PPP1R9A: variants seen among roughly 807,000 people sequenced by gnomAD.
PPP1R9A encodes the protein protein phosphatase 1 regulatory subunit 9A.
PPP1R9A carries 59 observed loss-of-function variants against 141.9 expected under a neutral mutation model. That is an observed-to-expected ratio of 0.42 (90% CI 0.34 to 0.52). The LOEUF is 0.52. PPP1R9A is among the 20% of genes least tolerant of loss of function. The pLI is 0.10. For missense variants in PPP1R9A, 1,444 were observed against 1,611.9 expected (o/e 0.90, Z 1.78); for synonymous variants, 500 against 569.7 (o/e 0.88, Z 1.74).
chr7:95,063,125 A>T (rs763769759), intron 2 of PPP1R9A, among the ~76,000 whole-genome samples: 2 of 152,242 alleles, frequency 1.3e-5, no homozygotes, highest in African/African-American at 2.4e-5. Context: ...TGTAAGTCTG[A>T]GAGGACTCAA....
At chr7:95,118,820 A>AC (rs1233304711) in intron 3 of PPP1R9A, among the ~76,000 whole-genome samples, 3 of 150,560 alleles carry the variant, frequency 2.0e-5, no homozygotes, top group African/African-American at 4.9e-5. Flanking sequence ...AAAAAAAAAA[A>AC]AAAACACAAA....
chr7:95,133,897 C>T (rs529763330), intron 4 of PPP1R9A, among the ~76,000 whole-genome samples: 1 of 152,098 alleles, frequency 6.6e-6, no homozygotes, highest in Non-Finnish European at 1.5e-5. Flanking sequence ...ACCATGTTTC[C>T]CAGGCTGGTC....
chr7:95,043,554 C>T (rs1809559544), intron 2 of PPP1R9A, among the ~76,000 whole-genome samples: 1 of 152,184 alleles, frequency 6.6e-6, no homozygotes, highest in Non-Finnish European at 1.5e-5. Context: ...CTTCTGCAGG[C>T]ACAGTGACCT....
At chr7:95,133,939 C>T (rs1170565349) in intron 4 of PPP1R9A, among the ~76,000 whole-genome samples, 1 of 152,172 alleles carries the variant, frequency 6.6e-6, no homozygotes, top group Non-Finnish European at 1.5e-5. Context: ...CTGCCTCAGC[C>T]TCCCAAAGTT....
chr7:94,962,454 A>G (rs550189292), intron 2 of PPP1R9A, among the ~76,000 whole-genome samples: 1 of 152,126 alleles, frequency 6.6e-6, no homozygotes, highest in South Asian at 2.1e-4. Context: ...AAAATATTCA[A>G]GGGTTTTCCC....
chr7:95,012,434 A>T (rs1017765814), intron 2 of PPP1R9A, among the ~76,000 whole-genome samples: 10 of 152,122 alleles, frequency 6.6e-5, no homozygotes, highest in African/African-American at 2.2e-4. Flanking sequence ...ATCACCTCCC[A>T]CCAGGCCCCA....
rs551695425 is a variant in PPP1R9A at position 95,066,598 on chromosome 7, G to A, written c.1396-44661G>A. On this transcript the variant is annotated intron_variant, in intron 2 of 19. Transcript: ENST00000433360. ...TTCAGAGGACAAAAGGACATTAAAA[G>A]GAGAGTGGACATTTTAAGATGTCTT... 2.1e-4 allele frequency among the ~76,000 whole-genome samples: 32 copies of A among 152,252 alleles called. No individual in the cohort carries two copies. In the East Asian group the frequency reaches 6.0e-3, roughly 28 times the overall value.
intron 12 of PPP1R9A, among the ~76,000 whole-genome samples, chr7:95,261,665 A>G (rs568028102): frequency 1.7e-4 from 26 of 152,224 alleles, no homozygotes; most frequent in Middle Eastern, 6.8e-3. Context: ...AGGGATTTTT[A>G]TTATTTATTT....
At chr7:95,273,321 A>C (rs946135427) in intron 14 of PPP1R9A, among the ~76,000 whole-genome samples, 3 of 152,312 alleles carry the variant, frequency 2.0e-5, no homozygotes, top group Admixed American at 6.5e-5. Flanking sequence ...CTGTTTAAGG[A>C]GTCTCCCCCA....
chr7:95,099,817 T>TA (rs975329286), intron 2 of PPP1R9A, among the ~76,000 whole-genome samples: 5 of 151,948 alleles, frequency 3.3e-5, no homozygotes. Flanking sequence ...AAAATTAAAA[T>TA]AAAAAAATAC....
At chr7:95,263,418 G>A (rs1585526957) in intron 12 of PPP1R9A, among the ~76,000 whole-genome samples, 1 of 107,518 alleles carries the variant, frequency 9.3e-6, no homozygotes, top group African/African-American at 3.3e-5. Flanking sequence ...CCAGTTTGTT[G>A]TTGTTGTTGC....
intron 5 of PPP1R9A, among the ~76,000 whole-genome samples, chr7:95,196,465 T>C (rs1422976530): frequency 6.6e-6 from 1 of 152,200 alleles, no homozygotes; most frequent in Non-Finnish European, 1.5e-5. Flanking sequence ...ATCAATTCCA[T>C]TATTTGTCTA....
chr7:95,069,062 T>G (rs545095530), intron 2 of PPP1R9A, among the ~76,000 whole-genome samples: 1 of 152,184 alleles, frequency 6.6e-6, no homozygotes, highest in African/African-American at 2.4e-5. Flanking sequence ...CCTAATGTGA[T>G]GTAAATGCTG....
At chr7:94,982,308 A>G (rs1039003349) in intron 2 of PPP1R9A, among the ~76,000 whole-genome samples, 13 of 152,158 alleles carry the variant, frequency 8.5e-5, no homozygotes, top group Non-Finnish European at 1.5e-5. Flanking sequence ...TCTTTATAGT[A>G]GTATGATTTA....
chr7:95,002,758 C>CA (rs1458699396), intron 2 of PPP1R9A, among the ~76,000 whole-genome samples: 1 of 152,146 alleles, frequency 6.6e-6, no homozygotes, highest in Non-Finnish European at 1.5e-5. Flanking sequence ...TTGGATGGCA[C>CA]AGTATAGGTG....
rs141188800 is a variant in PPP1R9A at position 95,274,347 on chromosome 7, A to G, written c.3296+179A>G. On this transcript the variant is annotated intron_variant, in intron 16 of 19. Coordinates refer to ENST00000433360, the MANE Select transcript of PPP1R9A (RefSeq NM_001166160.2). The stretch of plus-strand genomic sequence containing the variant: ...TGGTCTTACTCCAATTATAGCCTCC[A>G]TCTAGCCTTGGGCATATCCATTGGT... Among the ~76,000 whole-genome samples, 1,325 of 152,336 alleles carry G rather than the reference A, an allele frequency of 8.7e-3. 20 individuals are homozygous for G. Among genetic ancestry groups the G allele is most frequent in the African/African-American group, 0.03 (1,259 of 41,580 alleles).
chr7:94,971,721 G>A (rs1253781167), intron 2 of PPP1R9A, among the ~76,000 whole-genome samples: 1 of 152,180 alleles, frequency 6.6e-6, no homozygotes, highest in Non-Finnish European at 1.5e-5. Flanking sequence ...ACCAAAAAAG[G>A]TGTGCTGAAA....
chr7:95,252,105 A>G lies in PPP1R9A; in HGVS notation c.2640A>G (p.Thr880=), dbSNP rs747851989. ...DTMENLDGKQ[T]SCQDGLSQDL... is the part of the protein sequence containing the mutation. ...TGGAGAACTTGGATGGCAAGCAGAC[A>G]TCTTGCCAAGATGGCCTAAGTCAAG... Residue 880 remains threonine (T), a synonymous_variant, in exon 12 of 20, where the codon ACA becomes ACG. Coordinates refer to ENST00000433360, the MANE Select transcript of PPP1R9A (RefSeq NM_001166160.2). The G allele has an allele frequency of 6.2e-7, 1 of 1,601,330 alleles. No individual in the cohort carries two copies. Among genetic ancestry groups the G allele is most frequent in the Non-Finnish European group, 8.5e-7 (1 of 1,176,526 alleles).
intron 2 of PPP1R9A, 139 bp from the exon 3 acceptor site, chr7:95,111,120 A>G (rs1820476008): frequency 1.7e-5 from 16 of 954,764 alleles, no homozygotes; most frequent in Admixed American, 3.0e-5. Context: ...TCCTTTTCTT[A>G]ACATCTCAAT....
Sources: allele counts gnomAD v4.1 joint callset (sites outside exome capture counted in the v4.1 genomes callset), GRCh38; gene constraint gnomAD v4.1.1; transcripts MANE v1.5; gene names NCBI Gene and HGNC (gene_info 2026-07-23, HGNC 2026-07-21).